CTNNA2: variants seen among roughly 807,000 people sequenced by gnomAD.
The protein encoded by CTNNA2 is catenin alpha-2.
Under a neutral mutation model 101.0 loss-of-function variants are expected in CTNNA2, and 42 were observed. The ratio of observed to expected loss-of-function variants is 0.42; its 90% CI spans 0.32 to 0.54. The LOEUF is 0.54. Among genes scored for constraint, CTNNA2 ranks in the 20% least tolerant of loss-of-function variants. The pLI, the probability that CTNNA2 is intolerant of heterozygous loss-of-function variation, is 0.14. For synonymous variants in CTNNA2, 450 were observed against 456.4 expected (o/e 0.99, Z 0.18); for missense variants, 871 against 1,223.1 (o/e 0.71, Z 4.29).
At chr2:79,365,243 C>T (rs1345413562) in intron 3 of CTNNA2, among the ~76,000 whole-genome samples, 3 of 151,774 alleles carry the variant, frequency 2.0e-5, no homozygotes, top group East Asian at 3.9e-4. Context: ...TGTCACTGCA[C>T]TCCAGCCTGG....
intron 4 of CTNNA2, among the ~76,000 whole-genome samples, chr2:79,445,178 G>T (rs142552372): frequency 6.6e-6 from 1 of 152,066 alleles, no homozygotes; most frequent in Middle Eastern, 3.2e-3. Context: ...AATGCTTTCT[G>T]GAGAGTAAGG....
chr2:79,616,717 C>T (rs542799869), intron 1 of CTNNA2, among the ~76,000 whole-genome samples: 1 of 152,144 alleles, frequency 6.6e-6, no homozygotes, highest in African/African-American at 2.4e-5. Flanking sequence ...AGTGAAAAGA[C>T]TTTATGTTTA....
chr2:79,795,950 G>C (rs999491457), intron 3 of CTNNA2, among the ~76,000 whole-genome samples: 5 of 152,136 alleles, frequency 3.3e-5, no homozygotes, highest in African/African-American at 1.2e-4. Flanking sequence ...GTTTTGTTAT[G>C]AGGACATTGG....
intron 2 of CTNNA2, among the ~76,000 whole-genome samples, chr2:79,690,826 T>C (rs1684246359): frequency 6.6e-6 from 1 of 151,968 alleles, no homozygotes; most frequent in African/African-American, 2.4e-5. Flanking sequence ...ATACAGTAGG[T>C]TGTGTGTTCA....
intron 7 of CTNNA2, among the ~76,000 whole-genome samples, chr2:80,108,393 A>G (rs1040291746): frequency 1.3e-5 from 2 of 152,144 alleles, no homozygotes; most frequent in African/African-American, 4.8e-5. Context: ...CCCCTACCCT[A>G]TTCCTTTGGC....
At chr2:79,398,542 G>A (rs1678255565) in intron 4 of CTNNA2, among the ~76,000 whole-genome samples, 1 of 151,980 alleles carries the variant, frequency 6.6e-6, no homozygotes, top group African/African-American at 2.4e-5. Context: ...ACAATAAACA[G>A]GGTATCACAG....
chr2:80,594,644 G>A (rs1008092598), intron 15 of CTNNA2, among the ~76,000 whole-genome samples: 18 of 151,694 alleles, frequency 1.2e-4, no homozygotes, highest in Admixed American at 6.6e-5. Context: ...AGTTCTTATG[G>A]TTAGGTCTTT....
chr2:79,691,520 AC>A (rs1684299518), intron 2 of CTNNA2, among the ~76,000 whole-genome samples: 1 of 151,958 alleles, frequency 6.6e-6, no homozygotes, highest in South Asian at 2.1e-4. Flanking sequence ...GAAAAAAAAA[AC>A]TACTTTAAAA....
intron 6 of CTNNA2, among the ~76,000 whole-genome samples, chr2:79,892,768 G>A (rs985718049): frequency 2.0e-5 from 3 of 152,092 alleles, no homozygotes. Context: ...AGATATTTGA[G>A]GCCATCCAGT....
chr2:79,305,189 A>G (rs987024101), intron 2 of CTNNA2, among the ~76,000 whole-genome samples: 1 of 151,898 alleles, frequency 6.6e-6, no homozygotes, highest in African/African-American at 2.4e-5. Flanking sequence ...TTTAATTGGG[A>G]AAAAAGTTTA....
intron 1 of CTNNA2, among the ~76,000 whole-genome samples, chr2:79,640,239 G>GACTT (rs1558794170): frequency 6.6e-6 from 1 of 152,136 alleles, no homozygotes; most frequent in East Asian, 1.9e-4. Context: ...TAAACAGGGA[G>GACTT]ACTTCCTAAA....
intron 12 of CTNNA2, among the ~76,000 whole-genome samples, chr2:80,569,988 C>A (rs4852585): frequency 0.93 from 141,031 of 152,074 alleles, 65,490 homozygotes; most frequent in South Asian, 0.96. Flanking sequence ...TAATAGTCAA[C>A]CTAACATCTT....
At chr2:80,580,201 A>C (rs145765965) in intron 13 of CTNNA2, among the ~76,000 whole-genome samples, 1 of 152,336 alleles carries the variant, frequency 6.6e-6, no homozygotes, top group East Asian at 1.9e-4. Context: ...GTGCCTGTAA[A>C]GCACTTAGAA....
chr2:79,880,253 C>T (rs1683324901), intron 6 of CTNNA2, among the ~76,000 whole-genome samples: 1 of 151,974 alleles, frequency 6.6e-6, no homozygotes, highest in African/African-American at 2.4e-5. Context: ...TTTGATGTTC[C>T]TTATGGATAT....
rs748970613 is a variant in CTNNA2, at chr2:80,303,510, C to T, written c.1057-89701C>T. On this transcript the variant is annotated intron_variant, in intron 7 of 18. Transcript: ENST00000402739. The surrounding 1 kb of genome is among the most constrained non-coding windows in gnomAD (Gnocchi z 7.7). ...AGTTTCTGAAAGGCGTCCCCCTGCA[C>T]GGAGCAGATGTGATTGTGATCCAGA... 1.2e-6 allele frequency: 2 copies of T among 1,614,220 alleles called. No individual in the cohort carries two copies. Among genetic ancestry groups the T allele is most frequent in the Non-Finnish European group, 1.7e-6 (2 of 1,180,052 alleles).
At chr2:79,235,477 C>T (rs10779960) in intron 2 of CTNNA2, among the ~76,000 whole-genome samples, 1 of 151,586 alleles carries the variant, frequency 6.6e-6, no homozygotes, top group African/African-American at 2.4e-5. Context: ...TTGGAGTTGC[C>T]CCTTCTGACC....
intron 4 of CTNNA2, among the ~76,000 whole-genome samples, chr2:79,393,789 T>G (rs1339321126): frequency 6.6e-6 from 1 of 151,990 alleles, no homozygotes; most frequent in African/African-American, 2.4e-5. Flanking sequence ...GAACTAATAG[T>G]TTTACATCAG....
chr2:79,251,664 G>A (rs112378326), intron 2 of CTNNA2, among the ~76,000 whole-genome samples: 1 of 152,238 alleles, frequency 6.6e-6, no homozygotes, highest in Non-Finnish European at 1.5e-5. Flanking sequence ...AAGAACCGAT[G>A]AAGACCTGAG....
chr2:80,514,565 G>A (rs1170388167), intron 9 of CTNNA2, among the ~76,000 whole-genome samples: 1 of 152,178 alleles, frequency 6.6e-6, no homozygotes, highest in Admixed American at 6.5e-5. Flanking sequence ...GATGTTAGAT[G>A]TGGGGAATTT....
Sources: allele counts gnomAD v4.1 joint callset (sites outside exome capture counted in the v4.1 genomes callset), GRCh38; gene constraint gnomAD v4.1.1; non-coding constraint Gnocchi (gnomAD v3.1); transcripts MANE v1.5; gene names NCBI Gene and HGNC (gene_info 2026-07-23, HGNC 2026-07-21).